DISP1: variants seen among roughly 807,000 people sequenced by gnomAD.
The protein encoded by DISP1 is protein dispatched homolog 1.
DISP1 carries 30 observed loss-of-function variants against 37.3 expected under a neutral mutation model. The ratio of observed to expected loss-of-function variants is 0.80; its 90% CI spans 0.60 to 1.09. The LOEUF (loss-of-function observed/expected upper bound fraction) is 1.09, where lower values mean the gene tolerates loss of function less well. DISP1 is among the 50% of genes least tolerant of loss of function. The pLI is 0.00. For synonymous variants in DISP1, 634 were observed against 690.2 expected, an observed-to-expected ratio of 0.92 and a Z score of 1.28; for missense variants, 1,598 against 1,879.5, an observed-to-expected ratio of 0.85 and a Z score of 2.77.
chr1:222,956,753 T>C (rs1438591087), intron 3 of DISP1, among the ~76,000 whole-genome samples: 1 of 152,212 alleles, frequency 6.6e-6, no homozygotes, highest in Non-Finnish European at 1.5e-5. Flanking sequence ...CAGTATTCCA[T>C]GCTCTTAAGT....
Position 223,004,069 on chromosome 1 carries a change from A to G in DISP1, c.2672A>G (p.Lys891Arg). ...CAAGAGATTTTTGAACTGTGCATCA[A>G]GAGAGCTATCATGGAGCTGGAAAGG... ...YKQEIFELCIKRAIMELERST... is the reference protein window; with the variant it reads ...YKQEIFELCIRRAIMELERST... The change falls in exon 9 of 9, where the codon AAG becomes AGG. Residue 891 changes from lysine (K) to arginine (R), a missense_variant. By Grantham distance (26) the Lys-to-Arg change is conservative. Transcript: ENST00000675850. This position sits in a 1 kb window ranked among gnomAD's most constrained non-coding sequence, Gnocchi z 4.9. The G allele has an allele frequency of 1.2e-6, 2 of 1,614,216 alleles. No individual in the cohort carries two copies. Among genetic ancestry groups the G allele is most frequent in the Non-Finnish European group, 1.7e-6 (2 of 1,180,044 alleles).
intron 1 of DISP1, among the ~76,000 whole-genome samples, chr1:222,841,577 C>T (rs1339940269): frequency 1.3e-5 from 2 of 152,126 alleles, no homozygotes; most frequent in Non-Finnish European, 2.9e-5. Context: ...AAATTATTTC[C>T]ATCTCCAGAA....
At chr1:223,002,346 T>A (rs773535547) in intron 8 of DISP1, 39 bp from the exon 9 acceptor site, 2 of 1,588,180 alleles carry the variant, frequency 1.3e-6, no homozygotes, top group Admixed American at 3.3e-5. Context: ...TGTGAACCAA[T>A]TTAAACTGTA....
chr1:222,821,571 A>G lies in DISP1; in HGVS notation c.-159+6493A>G, dbSNP rs1662932925. On this transcript the variant is annotated intron_variant, in intron 1 of 8. Coordinates refer to ENST00000675850, the MANE Select transcript of DISP1 (RefSeq NM_001377229.1). ...GATAGTGAAGTTCTCATGAGATCTGATGGTTTAAAAGTGGCAGTTTTCGGC... is the reference window on the plus strand; with the variant it reads ...GATAGTGAAGTTCTCATGAGATCTGGTGGTTTAAAAGTGGCAGTTTTCGGC... 2.6e-5 allele frequency among the ~76,000 whole-genome samples: 4 copies of G among 152,096 alleles called. No homozygotes were observed. The South Asian group carries it at 8.3e-4, about 32-fold the overall frequency.
intron 1 of DISP1, among the ~76,000 whole-genome samples, chr1:222,902,596 A>T (rs1671659012): frequency 6.6e-6 from 1 of 152,164 alleles, no homozygotes. Context: ...ATGAACTCAA[A>T]CAAATTTACA....
chr1:222,936,876 TATGA>T (rs1373106585), intron 2 of DISP1, among the ~76,000 whole-genome samples: 39 of 62,266 alleles, frequency 6.3e-4, no homozygotes, highest in African/African-American at 1.9e-3. Flanking sequence ...ATATCATATA[TATGA>T]TATATATAAT....
At chr1:223,002,308 A>G in intron 8 of DISP1, 77 bp from the exon 9 acceptor site, 1 of 1,295,496 alleles carries the variant, frequency 7.7e-7, no homozygotes, top group Non-Finnish European at 1.1e-6. Flanking sequence ...AGATCACCTT[A>G]GTGCAGTCCT....
At chr1:222,884,194 A>C (rs1670445408) in intron 1 of DISP1, among the ~76,000 whole-genome samples, 2 of 151,222 alleles carry the variant, frequency 1.3e-5, no homozygotes, top group Non-Finnish European at 3.0e-5. Flanking sequence ...TTAACTTTTT[A>C]TTTTGAAATA....
Position 223,005,678 on chromosome 1 carries a change from C to T in DISP1, c.4281C>T (p.Ser1427=). 6.2e-7 allele frequency: 1 copy of T among 1,613,604 alleles called. No homozygotes were observed. Among genetic ancestry groups the T allele is most frequent in the Non-Finnish European group, 8.5e-7 (1 of 1,179,974 alleles). ...ATAGAGACGTGAGCAATCTGGAGAG[C>T]AGTGGAGGGACTGAAAACAAGGCAG... ...CKNRDVSNLE[S]SGGTENKAGG... Residue 1427 remains serine (S), a synonymous_variant, in exon 9 of 9, where the codon AGC becomes AGT. Transcript: ENST00000675850.
At chr1:222,851,202 G>T (rs1312030398) in intron 1 of DISP1, among the ~76,000 whole-genome samples, 1 of 151,806 alleles carries the variant, frequency 6.6e-6, no homozygotes, top group Non-Finnish European at 1.5e-5. Context: ...AAGTAGCTGG[G>T]ATCACAGGCA....
chr1:222,903,192 G>A (rs1332759900), intron 1 of DISP1, among the ~76,000 whole-genome samples: 18 of 149,996 alleles, frequency 1.2e-4, no homozygotes, highest in African/African-American at 1.7e-4. Context: ...GCAAACTATC[G>A]CAAGGACAAA....
chr1:222,860,672 A>G (rs61840267), intron 1 of DISP1, among the ~76,000 whole-genome samples: 150,931 of 151,810 alleles, frequency 0.99, 75,029 homozygotes, highest in East Asian at 1. Flanking sequence ...AGATCATGAG[A>G]TCAGGAGTTT....
rs1192709767 is a variant in DISP1 at position 222,972,262 on chromosome 1, C to T, written c.510-10818C>T. On this transcript the variant is annotated intron_variant, in intron 3 of 8. Coordinates refer to ENST00000675850, the MANE Select transcript of DISP1 (RefSeq NM_001377229.1). ...AATAGATGCTTATAATTTTGATTCA[C>T]ATATTGATAAGATTGTCAGAGGCTT... Among the ~76,000 whole-genome samples the T allele has an allele frequency of 4.6e-5, 7 of 152,022 alleles. 1 individual carries two copies. In the East Asian group the frequency reaches 7.7e-4, roughly 17 times the overall value.
chr1:222,844,494 T>G (rs1313404328), intron 1 of DISP1, among the ~76,000 whole-genome samples: 1 of 152,170 alleles, frequency 6.6e-6, no homozygotes, highest in Admixed American at 6.5e-5. Context: ...CCTTTCCTTT[T>G]AAGAAAATCC....
chr1:223,005,708 G>A lies in DISP1; in HGVS notation c.4311G>A (p.Gly1437=). ...SSGGTENKAG[G]KVELSLSQTD... ...GAGGGACTGAAAACAAGGCAGGAGGGAAAGTGGAGCTGAGCTTGTCACAGA... is the reference window on the plus strand; with the variant it reads ...GAGGGACTGAAAACAAGGCAGGAGGAAAAGTGGAGCTGAGCTTGTCACAGA... The change falls in exon 9 of 9, where the codon GGG becomes GGA. Residue 1437 remains glycine, a synonymous_variant. Coordinates refer to ENST00000675850, the MANE Select transcript of DISP1 (RefSeq NM_001377229.1). 4 of 1,614,116 alleles carry A rather than the reference G, an allele frequency of 2.5e-6. No individual in the cohort carries two copies. The highest frequency in any genetic ancestry group is 3.4e-6 in the Non-Finnish European group (4 of 1,180,032).
intron 1 of DISP1, among the ~76,000 whole-genome samples, chr1:222,819,280 A>G (rs1182487749): frequency 1.3e-5 from 2 of 152,156 alleles, no homozygotes; most frequent in African/African-American, 4.8e-5. Flanking sequence ...TTGTGAGCCA[A>G]TTAAACCTCT....
intron 3 of DISP1, among the ~76,000 whole-genome samples, chr1:222,947,909 T>A (rs973225811): frequency 2.0e-5 from 3 of 152,214 alleles, no homozygotes; most frequent in African/African-American, 7.2e-5. Flanking sequence ...GTGAGAAATG[T>A]GATAACTTGA....
chr1:222,934,358 T>TA (rs1014148740), intron 2 of DISP1, among the ~76,000 whole-genome samples: 6 of 152,012 alleles, frequency 3.9e-5, no homozygotes, highest in Admixed American at 1.3e-4. Context: ...GTGAGATGAT[T>TA]AAAAAAAATT....
At position 223,002,236 on chromosome 1, in the gene DISP1, T is replaced by G. The variant is rs539849747; in HGVS notation, c.988-149T>G. On this transcript the variant is annotated intron_variant, in intron 8 of 8. Coordinates refer to ENST00000675850, the MANE Select transcript of DISP1 (RefSeq NM_001377229.1). ...ATTTAGGGGAAATTTCACCCTGTAT[T>G]CAAACTGATTCCTAGTTTAAGTGGA... 4.5e-5 allele frequency: 36 copies of G among 799,164 alleles called. No homozygotes were observed. The African/African-American group carries it at 5.7e-4, about 13-fold the overall frequency. 49.5% of individuals were successfully genotyped at this position (799,164 alleles called of 1,614,324 possible).
Sources: gnomAD v4.1 joint callset for allele counts (sites outside exome capture counted in the v4.1 genomes callset) on GRCh38, gnomAD v4.1.1 for gene constraint, Gnocchi (gnomAD v3.1) non-coding constraint, MANE v1.5 for transcripts, NCBI Gene and HGNC (gene_info 2026-07-23, HGNC 2026-07-21) for gene names.